Variants in EIF3H observed in about 807,000 individuals in gnomAD.
EIF3H encodes the protein eIF-3-gamma.
A neutral mutation model predicts 44.2 loss-of-function variants in EIF3H; 26 were observed. The observed-to-expected ratio is 0.59, with a 90% CI of 0.43 to 0.82. The LOEUF is 0.82. Ranked by LOEUF, EIF3H falls within the 40% of genes least tolerant of loss-of-function variation. The pLI is 0.00. For missense variants in EIF3H, 359 were observed against 432.8 expected (o/e 0.83, Z 1.51); for synonymous variants, 166 against 151.9 (o/e 1.09, Z -0.68).
chr8:116,763,070 G>A (rs1329513966), intron 1 of EIF3H, among the ~76,000 whole-genome samples: 2 of 152,216 alleles, frequency 1.3e-5, no homozygotes, highest in African/African-American at 4.8e-5. Flanking sequence ...AAAATTCATA[G>A]TCTGTGTCAT....
At chr8:116,678,884 C>T (rs1266506404) in intron 2 of EIF3H, among the ~76,000 whole-genome samples, 4 of 137,126 alleles carry the variant, frequency 2.9e-5, no homozygotes, top group African/African-American at 7.8e-5. Context: ...GCCCCCCGCC[C>T]GGCCAGCCGC....
rs372775464 is a variant in EIF3H at position 116,697,358 on chromosome 8, T to C, written c.289+28658A>G. On this transcript the variant is annotated intron_variant, in intron 2 of 7. Transcript: ENST00000521861. ...TGGGATACTGAAGAACTATTGCTGC[T>C]TTCACCAACCCAATTGCTGGTCAGT... 27 of 367,592 alleles carry C rather than the reference T, an allele frequency of 7.3e-5. No individual in the cohort carries two copies. In the East Asian group the frequency reaches 1.5e-3, roughly 21 times the overall value. 22.8% of individuals were successfully genotyped at this position (367,592 alleles called of 1,614,324 possible).
At chr8:116,648,722 A>G (rs1400041576) in intron 6 of EIF3H, 84 bp downstream of exon 6, 1 of 1,443,378 alleles carries the variant, frequency 6.9e-7, no homozygotes, top group East Asian at 2.5e-5. Flanking sequence ...TTTACCAAAG[A>G]TAATTTAGGT....
At chr8:116,755,055 A>G (rs187850846) in intron 1 of EIF3H, among the ~76,000 whole-genome samples, 1 of 152,302 alleles carries the variant, frequency 6.6e-6, no homozygotes, top group East Asian at 1.9e-4. Context: ...AGCTAAGTCC[A>G]TTTCCTTATC....
intron 2 of EIF3H, among the ~76,000 whole-genome samples, chr8:116,667,820 G>A (rs1049354967): frequency 6.6e-6 from 1 of 152,150 alleles, no homozygotes; most frequent in Non-Finnish European, 1.5e-5. Context: ...CAATAAGGTT[G>A]CCCAATGAAC....
intron 1 of EIF3H, among the ~76,000 whole-genome samples, chr8:116,744,241 C>T (rs1269677715): frequency 1.3e-5 from 2 of 150,304 alleles, no homozygotes; most frequent in Non-Finnish European, 3.0e-5. Context: ...AACAGTAAGC[C>T]TCAAGATACA....
intron 1 of EIF3H, among the ~76,000 whole-genome samples, chr8:116,735,480 T>C (rs1385275751): frequency 6.6e-6 from 1 of 152,174 alleles, no homozygotes; most frequent in African/African-American, 2.4e-5. Context: ...GTAGCATTAT[T>C]CATAACAGCT....
At chr8:116,756,010 A>C (rs1358184980), upstream of EIF3H, 1 of 1,535,928 alleles carries the variant, frequency 6.5e-7, no homozygotes, top group African/African-American at 1.4e-5. Flanking sequence ...CCTCTTTCCG[A>C]TGGAATGATC....
At chr8:116,763,718 T>G (rs922150316) in intron 1 of EIF3H, among the ~76,000 whole-genome samples, 5 of 152,176 alleles carry the variant, frequency 3.3e-5, no homozygotes, top group Admixed American at 3.3e-4. Context: ...TTTGAGCTAA[T>G]GAATGTTAAC....
chr8:116,664,090 GT>G lies in EIF3H; in HGVS notation c.290-5111del, dbSNP rs527899744. Among the ~76,000 whole-genome samples the G allele has an allele frequency of 3.3e-4, 51 of 152,294 alleles. No individual in the cohort carries two copies. In the East Asian group the frequency reaches 7.9e-3, roughly 24 times the overall value. The stretch of plus-strand genomic sequence containing the variant: ...ATAAATCTCTTCAACTTCTGCAATT[GT>G]TTTAATTGGTAAGCATGTCCCAAGC... On this transcript the variant is annotated intron_variant, in intron 2 of 7. Transcript: ENST00000521861.
At chr8:116,746,178 A>G (rs1815231734) in intron 1 of EIF3H, among the ~76,000 whole-genome samples, 1 of 152,170 alleles carries the variant, frequency 6.6e-6, no homozygotes. Flanking sequence ...ATCAAACGTA[A>G]AGATTCTAAT....
Position 116,643,357 on chromosome 8 carries a change from T to C in EIF3H, c.*1649A>G, listed in dbSNP as rs1360214072. 7.2e-5 allele frequency: 11 copies of C among 152,240 alleles called. No homozygotes were observed. The highest frequency in any genetic ancestry group is 1.2e-4 in the African/African-American group (5 of 41,470). 9.4% of individuals were successfully genotyped at this position (152,240 alleles called of 1,614,324 possible). ...ACATACCCTTTGACTCGTAAGTCTA[T>C]ATCAAAGATTATCCTAAAGAAATAA... is the stretch of plus-strand genomic sequence containing the variant. On this transcript the variant is annotated 3_prime_UTR_variant, in exon 8 of 8. Transcript: ENST00000521861.
At chr8:116,689,028 T>C (rs755176115) in intron 2 of EIF3H, 2 of 414,640 alleles carry the variant, frequency 4.8e-6, no homozygotes, top group Middle Eastern at 3.4e-4. Flanking sequence ...TTATTCATAA[T>C]AGGCAAATGT....
rs560733411 is a variant in EIF3H at position 116,722,119 on chromosome 8, T to C, written c.289+3897A>G. 3.3e-5 allele frequency among the ~76,000 whole-genome samples: 5 copies of C among 152,280 alleles called. No individual in the cohort carries two copies. The South Asian group carries it at 8.3e-4, about 25-fold the overall frequency. On this transcript the variant is annotated intron_variant, in intron 2 of 7. Coordinates refer to ENST00000521861, the MANE Select transcript of EIF3H (RefSeq NM_003756.3). ...TGGCTCCCATAATTCCCACATGTTG[T>C]GGGAGGGACTCAGTGGAAGATAACT...
intron 2 of EIF3H, among the ~76,000 whole-genome samples, chr8:116,679,024 A>C (rs1171940578): frequency 2.1e-3 from 76 of 35,612 alleles, no homozygotes; most frequent in Admixed American, 2.7e-3. Flanking sequence ...CCAGCCGCCC[A>C]GTCCGGGAGG....
chr8:116,706,519 C>CTTTATTTA (rs887973283), intron 2 of EIF3H, among the ~76,000 whole-genome samples: 5 of 152,092 alleles, frequency 3.3e-5, no homozygotes, highest in African/African-American at 9.6e-5. Flanking sequence ...ATATTTAACA[C>CTTTATTTA]TTTATTTATT....
chr8:116,739,165 G>A (rs1254383505), intron 1 of EIF3H, among the ~76,000 whole-genome samples: 1 of 152,220 alleles, frequency 6.6e-6, no homozygotes, highest in Admixed American at 6.5e-5. Flanking sequence ...ACAAACAACA[G>A]CATGAGCGAT....
intron 1 of EIF3H, among the ~76,000 whole-genome samples, chr8:116,760,973 T>A (rs1370855807): frequency 6.6e-6 from 1 of 152,360 alleles, no homozygotes; most frequent in East Asian, 1.9e-4. Context: ...TTATAAAGAT[T>A]CATTAATCTT....
Position 116,658,619 on chromosome 8 carries a change from C to T in EIF3H, c.457+194G>A, listed in dbSNP as rs1586436038. 1.9e-5 allele frequency: 10 copies of T among 521,746 alleles called. No individual in the cohort carries two copies. The East Asian group carries it at 3.3e-4, about 17-fold the overall frequency. The allele number at this position is 521,746 out of a possible 1,614,324, so 32.3% of individuals were successfully genotyped here. A position where few individuals can be genotyped will look rare whatever the true frequency, so the allele number is the denominator to read the frequency against. ...GCATTCCAAAATGTACACATCAGGG[C>T]TCTGATAGCAAGAAAAATAAACAGA... On this transcript the variant is annotated intron_variant, in intron 3 of 7. Transcript: ENST00000521861.
Sources: gnomAD v4.1 joint callset for allele counts (sites outside exome capture counted in the v4.1 genomes callset) on GRCh38, gnomAD v4.1.1 for gene constraint, MANE v1.5 for transcripts, NCBI Gene and HGNC (gene_info 2026-07-23, HGNC 2026-07-21) for gene names.